Variants in MAP2K4 observed in about 807,000 individuals in gnomAD.
MAP2K4 encodes dual specificity mitogen-activated protein kinase kinase 4.
MAP2K4 carries 4 observed loss-of-function variants against 48.5 expected under a neutral mutation model. The observed-to-expected ratio is 0.08, with a 90% CI of 0.04 to 0.19. The LOEUF (loss-of-function observed/expected upper bound fraction) is 0.19. Among genes scored for constraint, MAP2K4 ranks in the 10% least tolerant of loss-of-function variants. The probability of loss-of-function intolerance (pLI) is 1.00; values close to 1 mark genes in which losing one functional copy is unlikely to be tolerated. For synonymous variants in MAP2K4, 166 were observed against 173.1 expected (o/e 0.96, Z 0.32); for missense variants, 258 against 493.3 (o/e 0.52, Z 4.52).
At chr17:12,030,696 A>G (rs930804255) in intron 1 of MAP2K4, among the ~76,000 whole-genome samples, 2 of 152,034 alleles carry the variant, frequency 1.3e-5, no homozygotes, top group Admixed American at 6.5e-5. Flanking sequence ...TTTCTTTTTC[A>G]TATACCTTAC....
chr17:12,051,408 A>G (rs970682736), intron 1 of MAP2K4, among the ~76,000 whole-genome samples: 5 of 152,180 alleles, frequency 3.3e-5, no homozygotes, highest in African/African-American at 1.2e-4. Flanking sequence ...TCAGGCACAG[A>G]GCTAAGGTTT....
At chr17:12,119,245 T>C (rs1377392654) in intron 7 of MAP2K4, among the ~76,000 whole-genome samples, 1 of 152,188 alleles carries the variant, frequency 6.6e-6, no homozygotes, top group Admixed American at 6.5e-5. Flanking sequence ...TACAAATAAC[T>C]ATGTGTCTCA....
chr17:12,039,802 T>C (rs1028213216), intron 1 of MAP2K4, among the ~76,000 whole-genome samples: 5 of 152,214 alleles, frequency 3.3e-5, no homozygotes, highest in Admixed American at 6.5e-5. Flanking sequence ...AAGTCTGTGG[T>C]AATTCCCTCT....
At chr17:12,052,212 T>G (rs1419616247) in intron 1 of MAP2K4, among the ~76,000 whole-genome samples, 2 of 152,164 alleles carry the variant, frequency 1.3e-5, no homozygotes, top group African/African-American at 4.8e-5. Flanking sequence ...ACCTACAGAA[T>G]TACTTAGTGT....
At chr17:12,076,641 A>G (rs537588023) in intron 2 of MAP2K4, among the ~76,000 whole-genome samples, 4 of 152,294 alleles carry the variant, frequency 2.6e-5, no homozygotes, top group Admixed American at 6.5e-5. Context: ...TATTCTATCT[A>G]TAATCTTGCA....
intron 1 of MAP2K4, among the ~76,000 whole-genome samples, chr17:12,027,263 C>T (rs1314422934): frequency 2.0e-5 from 3 of 152,156 alleles, no homozygotes; most frequent in African/African-American, 4.8e-5. Flanking sequence ...CAGTAGTTTA[C>T]ACAACTCAAG....
chr17:12,049,441 G>A lies in MAP2K4; in HGVS notation c.116-5448G>A, dbSNP rs535689538. On this transcript the variant is annotated intron_variant, in intron 1 of 10. Transcript: ENST00000353533. ...TGATTATTCCTTCCTGGCTCCTTTC[G>A]CATGTGAGTAGTTGACTTGAAAGAG... 1.5e-4 allele frequency among the ~76,000 whole-genome samples: 23 copies of A among 152,298 alleles called. 1 individual carries two copies. In the Middle Eastern group the frequency reaches 0.014, roughly 90 times the overall value.
At chr17:12,113,579 T>C (rs1006778536) in intron 7 of MAP2K4, among the ~76,000 whole-genome samples, 1 of 152,236 alleles carries the variant, frequency 6.6e-6, no homozygotes, top group Admixed American at 6.5e-5. Context: ...TCTTACTTGG[T>C]ATTTAGCAGT....
At chr17:12,133,442 T>C (rs921193319) in intron 9 of MAP2K4, among the ~76,000 whole-genome samples, 5 of 152,220 alleles carry the variant, frequency 3.3e-5, no homozygotes, top group African/African-American at 1.2e-4. Context: ...GATTGCCTGT[T>C]GGATAGTCAT....
chr17:12,095,800 A>AAT (rs2151562141), intron 4 of MAP2K4, 106 bp downstream of exon 4: 1 of 1,262,288 alleles, frequency 7.9e-7, no homozygotes, highest in Non-Finnish European at 1.1e-6. Flanking sequence ...GTAATAAGTT[A>AAT]ATATCTCAGT....
At chr17:12,108,325 G>A (rs1972192181) in intron 5 of MAP2K4, among the ~76,000 whole-genome samples, 1 of 152,046 alleles carries the variant, frequency 6.6e-6, no homozygotes, top group Non-Finnish European at 1.5e-5. Context: ...TAAGATTTTG[G>A]TTACTCCATA....
chr17:12,055,115 G>C, intron 2 of MAP2K4, 124 bp downstream of exon 2: 2 of 566,816 alleles, frequency 3.5e-6, no homozygotes, highest in Admixed American at 3.4e-5. Context: ...TGGGAATATT[G>C]TTTATTCTTT....
In MAP2K4 at chr17:12,142,476, A is replaced by G. The variant is rs1973402960; in HGVS notation, c.*1216A>G. 1.3e-5 allele frequency: 3 copies of G among 232,906 alleles called. No individual in the cohort carries two copies. Among genetic ancestry groups the G allele is most frequent in the East Asian group, 6.0e-5 (1 of 16,574 alleles). 14.4% of individuals were successfully genotyped at this position (232,906 alleles called of 1,614,324 possible). ...CAGTTAGCAGGGATGTTCCTTACCA[A>G]GGATTTTTAGCCCCAAATCTCTCAT... On this transcript the variant is annotated 3_prime_UTR_variant, in exon 11 of 11. Transcript: ENST00000353533.
chr17:12,056,186 A>G (rs1970277246), intron 2 of MAP2K4, among the ~76,000 whole-genome samples: 1 of 152,120 alleles, frequency 6.6e-6, no homozygotes, highest in Admixed American at 6.5e-5. Flanking sequence ...TAGCTGAACC[A>G]TATGTTGGAA....
intron 2 of MAP2K4, among the ~76,000 whole-genome samples, chr17:12,068,752 T>A (rs1172130246): frequency 1.3e-5 from 2 of 148,680 alleles, no homozygotes; most frequent in African/African-American, 4.9e-5. Context: ...CATATATATA[T>A]TATATATATA....
chr17:12,065,656 G>A (rs536938639), intron 2 of MAP2K4, among the ~76,000 whole-genome samples: 2 of 152,178 alleles, frequency 1.3e-5, no homozygotes, highest in South Asian at 2.1e-4. Context: ...GGCTTGTCTC[G>A]AACTCTTGAC....
chr17:12,113,201 A>G, intron 6 of MAP2K4, 32 bp from the exon 7 acceptor site: 1 of 1,604,014 alleles, frequency 6.2e-7, no homozygotes, highest in Non-Finnish European at 8.5e-7. Flanking sequence ...GAAGAAGCTA[A>G]TTGTATACTG....
chr17:12,083,707 G>T (rs1184776946), intron 3 of MAP2K4, among the ~76,000 whole-genome samples: 1 of 152,208 alleles, frequency 6.6e-6, no homozygotes, highest in Non-Finnish European at 1.5e-5. Flanking sequence ...CTGAATTAAA[G>T]AATGCATTTA....
intron 1 of MAP2K4, among the ~76,000 whole-genome samples, chr17:12,032,936 A>G (rs1969483094): frequency 6.6e-6 from 1 of 152,052 alleles, no homozygotes; most frequent in Admixed American, 6.6e-5. Context: ...ACCTCCCTCA[A>G]GCGATCCTCC....
Sources: allele counts gnomAD v4.1 joint callset (sites outside exome capture counted in the v4.1 genomes callset), GRCh38; gene constraint gnomAD v4.1.1; transcripts MANE v1.5; gene names NCBI Gene and HGNC (gene_info 2026-07-23, HGNC 2026-07-21).